The following SCN11A variants were observed in gnomAD, a reference collection of about 807,000 sequenced individuals.
SCN11A encodes the protein sodium channel protein type 11 subunit alpha.
In SCN11A, 122 loss-of-function variants were observed where a neutral mutation model predicts 162.2. The ratio of observed to expected loss-of-function variants is 0.75; its 90% confidence interval spans 0.65 to 0.87. The LOEUF (loss-of-function observed/expected upper bound fraction) is 0.87, where lower values mean the gene tolerates loss of function less well. Ranked by LOEUF, SCN11A falls within the 40% of genes least tolerant of loss-of-function variation. The pLI is 0.00. For synonymous variants in SCN11A, 758 were observed against 751.5 expected (o/e 1.01, Z -0.14); for missense variants, 2,015 against 2,181.6 (o/e 0.92, Z 1.52).
At chr3:38,955,590 T>G (rs1045451625) in intron 3 of SCN11A, among the ~76,000 whole-genome samples, 4 of 152,230 alleles carry the variant, frequency 2.6e-5, no homozygotes, top group Non-Finnish European at 5.9e-5. Flanking sequence ...CAAACCCTTA[T>G]GGTGAAATTT....
chr3:38,940,692 A>G (rs1175003552), intron 7 of SCN11A, among the ~76,000 whole-genome samples: 4 of 152,212 alleles, frequency 2.6e-5, no homozygotes, highest in African/African-American at 9.6e-5. Context: ...ATTTTTAAAA[A>G]AGGAAACTAT....
In SCN11A at chr3:38,883,354, T is replaced by C; in HGVS notation, c.3098A>G (p.Asp1033Gly). The C allele has an allele frequency of 1.2e-6, 2 of 1,614,032 alleles. No homozygotes were observed. Among genetic ancestry groups the C allele is most frequent in the South Asian group, 2.2e-5 (2 of 91,068 alleles). Residue 1033 changes from aspartate to glycine, a missense_variant, in exon 22 of 30, where the codon GAC becomes GGC. Coordinates refer to ENST00000302328, the MANE Select transcript of SCN11A (RefSeq NM_001349253.2). ...FGCCFPCCSVDKRKPPWVIWW... is the reference protein window; with the variant it reads ...FGCCFPCCSVGKRKPPWVIWW... ...AATGACCCAGGGAGGCTTTCTCTTG[T>C]CCACGCTACAGCATGGAAAGCAGCA...
intron 1 of SCN11A, among the ~76,000 whole-genome samples, chr3:39,048,687 G>A (rs1371443870): frequency 6.6e-6 from 1 of 152,182 alleles, no homozygotes; most frequent in Non-Finnish European, 1.5e-5. Flanking sequence ...CTTAGACACT[G>A]ATGGCCTTAG....
chr3:38,955,588 T>A (rs2066671253), intron 3 of SCN11A, among the ~76,000 whole-genome samples: 1 of 152,184 alleles, frequency 6.6e-6, no homozygotes, highest in African/African-American at 2.4e-5. Context: ...CTCAAACCCT[T>A]ATGGTGAAAT....
intron 2 of SCN11A, among the ~76,000 whole-genome samples, chr3:38,977,864 T>C (rs749665829): frequency 6.6e-6 from 1 of 152,222 alleles, no homozygotes; most frequent in African/African-American, 2.4e-5. Context: ...TTTTCTCTTC[T>C]TGCCACCATC....
chr3:38,932,725 C>G (rs1435253731), intron 7 of SCN11A, among the ~76,000 whole-genome samples: 1 of 152,164 alleles, frequency 6.6e-6, no homozygotes, highest in East Asian at 1.9e-4. Flanking sequence ...CGAGAAGCTC[C>G]AACTGGGTGG....
intron 1 of SCN11A, among the ~76,000 whole-genome samples, chr3:39,034,697 C>T (rs6796837): frequency 0.45 from 67,664 of 152,046 alleles, 18,205 homozygotes; most frequent in African/African-American, 0.77. Flanking sequence ...TATGATCTTA[C>T]ATTGGGAAAA....
chr3:38,989,097 C>T (rs192087000), intron 2 of SCN11A, among the ~76,000 whole-genome samples: 13 of 152,280 alleles, frequency 8.5e-5, no homozygotes, highest in East Asian at 5.8e-4. Flanking sequence ...TCCTGTGATG[C>T]TCACTCTGGG....
At chr3:38,927,681 G>C (rs2066165404) in intron 7 of SCN11A, among the ~76,000 whole-genome samples, 1 of 152,218 alleles carries the variant, frequency 6.6e-6, no homozygotes. Flanking sequence ...GGAAGGGGAA[G>C]CAAACATGTC....
chr3:38,873,514 GTTAT>G (rs2065161264), intron 23 of SCN11A, among the ~76,000 whole-genome samples: 9 of 152,122 alleles, frequency 5.9e-5, no homozygotes, highest in Admixed American at 5.2e-4. Flanking sequence ...CTTTTGGAGA[GTTAT>G]TTAAGTTATT....
At chr3:38,905,067 G>T in intron 15 of SCN11A, 125 bp downstream of exon 15, 1 of 1,219,466 alleles carries the variant, frequency 8.2e-7, no homozygotes, top group Non-Finnish European at 1.2e-6. Context: ...CTCTTTGCAG[G>T]ATGGTACAGT....
chr3:38,895,718 C>G (rs2065585594), intron 18 of SCN11A, among the ~76,000 whole-genome samples: 1 of 152,126 alleles, frequency 6.6e-6, no homozygotes, highest in South Asian at 2.1e-4. Context: ...ATTCCCACCT[C>G]TGGATCTTTG....
In SCN11A at chr3:38,910,532, AAC is replaced by A. The variant is rs143559326; in HGVS notation, c.960-327_960-326del. The stretch of plus-strand genomic sequence containing the variant: ...ATCCCACTTCTTAGAGGCAATAGTT[AAC>A]AGTTACTTTTGTAAATTTCCAGAAG... On this transcript the variant is annotated intron_variant, in intron 11 of 29. Coordinates refer to ENST00000302328, the MANE Select transcript of SCN11A (RefSeq NM_001349253.2). 0.067 allele frequency among the ~76,000 whole-genome samples: 10,149 copies of A among 152,254 alleles called. 386 individuals carry two copies. The highest frequency in any genetic ancestry group is 0.11 in the Middle Eastern group (31 of 294).
intron 2 of SCN11A, among the ~76,000 whole-genome samples, chr3:38,978,731 T>C (rs1013953239): frequency 6.6e-6 from 1 of 152,196 alleles, no homozygotes; most frequent in Non-Finnish European, 1.5e-5. Context: ...AATTTAAACA[T>C]GATAAGGAAG....
rs1312110348 is a variant in SCN11A, at chr3:38,937,130, T to C, written c.488+8281A>G. Among the ~76,000 whole-genome samples the C allele has an allele frequency of 1.1e-4, 17 of 152,104 alleles. No individual in the cohort carries two copies. In the South Asian group the frequency reaches 1.9e-3, roughly 17 times the overall value. On this transcript the variant is annotated intron_variant, in intron 7 of 29. Coordinates refer to ENST00000302328, the MANE Select transcript of SCN11A (RefSeq NM_001349253.2). The stretch of plus-strand genomic sequence containing the variant: ...AAAACAAGCAATGGGGAAAGGATTC[T>C]CTATTTAATAAATGGTGCTGGGAAA...
intron 23 of SCN11A, among the ~76,000 whole-genome samples, chr3:38,873,617 C>T (rs1325422323): frequency 6.6e-6 from 1 of 152,074 alleles, no homozygotes; most frequent in Non-Finnish European, 1.5e-5. Flanking sequence ...TTCTGTTTTA[C>T]CAAATCATTG....
Position 38,908,079 on chromosome 3 carries a change from A to G in SCN11A, c.1343T>C (p.Leu448Pro). Residue 448 changes from leucine to proline, a missense_variant, in exon 14 of 30, where the codon CTT (leucine) becomes CCT (proline). Physicochemically the swap from Leu to Pro is moderately conservative, Grantham distance 98. Transcript: ENST00000302328. ...MGIDRSSLTSLETSYFTPKKR... is the reference protein window; with the variant it reads ...MGIDRSSLTSPETSYFTPKKR... ...TTTTGGGGTAAAATATGATGTTTCA[A>G]GGGAAGTAAGTGAACTTCTGTCAAT... The G allele has an allele frequency of 6.2e-7, 1 of 1,612,814 alleles. No homozygotes were observed. Among genetic ancestry groups the G allele is most frequent in the African/African-American group, 1.3e-5 (1 of 74,952 alleles).
intron 2 of SCN11A, among the ~76,000 whole-genome samples, chr3:38,970,748 C>A (rs2066811646): frequency 1.3e-5 from 2 of 152,186 alleles, no homozygotes; most frequent in Non-Finnish European, 2.9e-5. Context: ...CCTATAACAC[C>A]CCGCATGATG....
chr3:38,938,217 C>G (rs1233433101), intron 7 of SCN11A, among the ~76,000 whole-genome samples: 1 of 151,452 alleles, frequency 6.6e-6, no homozygotes, highest in Non-Finnish European at 1.5e-5. Flanking sequence ...ACATCACACT[C>G]TGGGGACTGT....
Sources: gnomAD v4.1 joint callset for allele counts (sites outside exome capture counted in the v4.1 genomes callset) on GRCh38, gnomAD v4.1.1 for gene constraint, MANE v1.5 for transcripts, NCBI Gene and HGNC (gene_info 2026-07-23, HGNC 2026-07-21) for gene names.